RETREG1: variants seen among roughly 807,000 people sequenced by gnomAD.
RETREG1 encodes reticulophagy regulator 1.
In RETREG1, 44 loss-of-function variants were observed where a neutral mutation model predicts 54.8. The ratio of observed to expected loss-of-function variants is 0.80; its 90% confidence interval spans 0.63 to 1.03. The LOEUF is 1.03. RETREG1 is among the 50% of genes least tolerant of loss of function. The pLI, the probability that RETREG1 is intolerant of heterozygous loss-of-function variation, is 0.00. For synonymous variants in RETREG1, 217 were observed against 238.5 expected, an observed-to-expected ratio of 0.91 and a Z score of 0.83; for missense variants, 554 against 605.1, an observed-to-expected ratio of 0.92 and a Z score of 0.89.
At chr5:16,531,120 T>C (rs908513447) in intron 3 of RETREG1, among the ~76,000 whole-genome samples, 8 of 152,212 alleles carry the variant, frequency 5.3e-5, no homozygotes, top group African/African-American at 1.9e-4. Context: ...GTAGCTAAGG[T>C]GTGCTTACTA....
intron 3 of RETREG1, among the ~76,000 whole-genome samples, chr5:16,551,101 T>A (rs1232868738): frequency 6.7e-6 from 1 of 150,308 alleles, no homozygotes; most frequent in Non-Finnish European, 1.5e-5. Context: ...TCACAATTTT[T>A]AAAAATAACA....
chr5:16,541,790 AAGGAAGGAAAGG>A (rs1220264323), intron 3 of RETREG1, among the ~76,000 whole-genome samples: 29 of 142,554 alleles, frequency 2.0e-4, no homozygotes, highest in African/African-American at 7.3e-4. Context: ...GGAAGGAAGG[AAGGAAGGAAAGG>A]AAGGAAGGGG....
rs979374441 is a variant in RETREG1, at chr5:16,593,777, A to G, written c.321-21675T>C. ...TGCCCCATACTAAAGTCATGTTGCA[A>G]TGGTGTGGCTGAGGTCAAAGAGAAT... On this transcript the variant is annotated intron_variant, in intron 1 of 8. Transcript: ENST00000306320. The surrounding 1 kb of genome is among the most constrained non-coding windows in gnomAD (Gnocchi z 4.9). Among the ~76,000 whole-genome samples, 11 of 152,328 alleles carry G rather than the reference A, an allele frequency of 7.2e-5. No individual in the cohort carries two copies. Among genetic ancestry groups the G allele is most frequent in the Non-Finnish European group, 7.4e-5 (5 of 68,024 alleles).
chr5:16,478,665 A>G (rs1738638553), intron 6 of RETREG1, among the ~76,000 whole-genome samples, 185 bp downstream of exon 6: 2 of 152,140 alleles, frequency 1.3e-5, no homozygotes, highest in Admixed American at 1.3e-4. Context: ...ATTTAATTGT[A>G]TATTTGAGAA....
chr5:16,546,825 T>A (rs1741401864), intron 3 of RETREG1, among the ~76,000 whole-genome samples: 1 of 152,304 alleles, frequency 6.6e-6, no homozygotes. Context: ...GATGAACCAA[T>A]GAAAACTTCT....
rs201403958 is a variant in RETREG1 at position 16,477,754 on chromosome 5, A to C, written c.908T>G (p.Val303Gly). Residue 303 changes from valine (V) to glycine (G), a missense_variant, in exon 8 of 9, where the codon GTG (valine) becomes GGG (glycine). Coordinates refer to ENST00000306320, the MANE Select transcript of RETREG1 (RefSeq NM_001034850.3). ...TACCTCTGAGACGTCTGTGTCAGAC[A>C]CAGATAACTCTTTGGCAGCAACCGT... ...SLTVAAKELS[V>G]SDTDVSEVSW... 1.9e-5 allele frequency: 31 copies of C among 1,613,336 alleles called. No homozygotes were observed. The Middle Eastern group carries it at 4.9e-4, about 26-fold the overall frequency.
At chr5:16,555,298 T>C (rs1030438790) in intron 3 of RETREG1, among the ~76,000 whole-genome samples, 5 of 152,098 alleles carry the variant, frequency 3.3e-5, no homozygotes, top group Non-Finnish European at 7.4e-5. Context: ...ACTACAGGCG[T>C]GAACCAACAC....
At chr5:16,567,882 C>G (rs2037328010) in intron 2 of RETREG1, among the ~76,000 whole-genome samples, 1 of 152,054 alleles carries the variant, frequency 6.6e-6, no homozygotes, top group South Asian at 2.1e-4. Flanking sequence ...GATCACTTGA[C>G]CCAGGAGCTC....
In RETREG1 at chr5:16,597,538, G is replaced by A. The variant is rs55721135; in HGVS notation, c.320+19114C>T. ...CTCTCTCAGGATGGCATTCTGCACTGGGCAAGGCCCCACACTCAGCCTGAA... is the reference window on the plus strand; with the variant it reads ...CTCTCTCAGGATGGCATTCTGCACTAGGCAAGGCCCCACACTCAGCCTGAA... On this transcript the variant is annotated intron_variant, in intron 1 of 8. Transcript: ENST00000306320. This position sits in a 1 kb window ranked among gnomAD's most constrained non-coding sequence, Gnocchi z 4.3. Among the ~76,000 whole-genome samples the A allele has an allele frequency of 4.7e-3, 714 of 152,220 alleles. 8 individuals carry two copies. The highest frequency in any genetic ancestry group is 0.017 in the African/African-American group (690 of 41,522).
intron 3 of RETREG1, among the ~76,000 whole-genome samples, chr5:16,540,795 C>T (rs1047009077): frequency 3.3e-5 from 5 of 152,164 alleles, no homozygotes; most frequent in African/African-American, 1.2e-4. Context: ...AGAGGAGATG[C>T]GAGACATGTC....
rs1201391982 is a variant in RETREG1 at position 16,585,242 on chromosome 5, G to C, written c.321-13140C>G. ...GAATGTGCCCAGGTCAGCAAGGCATGGTGGACAAACAGATAAGACAGTGGG... is the reference window on the plus strand; with the variant it reads ...GAATGTGCCCAGGTCAGCAAGGCATCGTGGACAAACAGATAAGACAGTGGG... On this transcript the variant is annotated intron_variant, in intron 1 of 8. Transcript: ENST00000306320. The surrounding 1 kb of genome is among the most constrained non-coding windows in gnomAD (Gnocchi z 4.5). Among the ~76,000 whole-genome samples, 1 of 152,144 alleles carries C rather than the reference G, an allele frequency of 6.6e-6. No individual in the cohort carries two copies. The highest frequency in any genetic ancestry group is 2.4e-5 in the African/African-American group (1 of 41,440).
chr5:16,539,865 G>A (rs1741190909), intron 3 of RETREG1, among the ~76,000 whole-genome samples: 1 of 152,204 alleles, frequency 6.6e-6, no homozygotes, highest in South Asian at 2.1e-4. Context: ...AAATATAACT[G>A]AATTGAATGA....
chr5:16,606,253 T>G (rs1318085131), intron 1 of RETREG1, among the ~76,000 whole-genome samples: 2 of 152,148 alleles, frequency 1.3e-5, no homozygotes, highest in South Asian at 2.1e-4. Flanking sequence ...ATCGCCACAT[T>G]GGCTGCTCCA....
At chr5:16,612,947 G>A (rs186166124) in intron 1 of RETREG1, among the ~76,000 whole-genome samples, 8 of 152,162 alleles carry the variant, frequency 5.3e-5, no homozygotes, top group African/African-American at 1.7e-4. Context: ...ATTACTTTGT[G>A]CATCTTTTGA....
At position 16,591,012 on chromosome 5, in the gene RETREG1, T is replaced by G. The variant is rs574966510; in HGVS notation, c.321-18910A>C. Among the ~76,000 whole-genome samples the G allele has an allele frequency of 4.6e-5, 7 of 152,128 alleles. No homozygotes were observed. The East Asian group carries it at 1.4e-3, about 29-fold the overall frequency. On this transcript the variant is annotated intron_variant, in intron 1 of 8. Coordinates refer to ENST00000306320, the MANE Select transcript of RETREG1 (RefSeq NM_001034850.3). ...CCATAGCACTTATTTCTATTACACC[T>G]CAGTCCAAAAACCAATTGAGAGAAC...
At chr5:16,484,737 T>C (rs1381874546) in intron 3 of RETREG1, among the ~76,000 whole-genome samples, 2 of 152,146 alleles carry the variant, frequency 1.3e-5, no homozygotes, top group Non-Finnish European at 2.9e-5. Flanking sequence ...TGCAATAGCA[T>C]ATTTTAAAAG....
chr5:16,557,769 T>C (rs1052266781), intron 3 of RETREG1, among the ~76,000 whole-genome samples: 3 of 152,208 alleles, frequency 2.0e-5, no homozygotes, highest in Non-Finnish European at 4.4e-5. Context: ...CAAGCACAGA[T>C]AGGCTTACTT....
chr5:16,529,008 C>A (rs550128028), intron 3 of RETREG1, among the ~76,000 whole-genome samples: 28 of 152,234 alleles, frequency 1.8e-4, no homozygotes, highest in Non-Finnish European at 3.5e-4. Flanking sequence ...GTAAAACAAA[C>A]AAACAAAATC....
At chr5:16,567,269 AG>A (rs1253714293) in intron 2 of RETREG1, among the ~76,000 whole-genome samples, 1 of 152,224 alleles carries the variant, frequency 6.6e-6, no homozygotes, top group African/African-American at 2.4e-5. Flanking sequence ...ATGAAAGGCC[AG>A]GGAGGAGTGG....
Sources: allele counts gnomAD v4.1 joint callset (sites outside exome capture counted in the v4.1 genomes callset), GRCh38; gene constraint gnomAD v4.1.1; non-coding constraint Gnocchi (gnomAD v3.1); transcripts MANE v1.5; gene names NCBI Gene and HGNC (gene_info 2026-07-23, HGNC 2026-07-21).